ATAD2B: variants seen among roughly 807,000 people sequenced by gnomAD.
ATAD2B encodes the protein ATPase family AAA domain containing 2B, also known as ATPase family AAA domain-containing protein 2B.
In ATAD2B, 40 loss-of-function variants were observed where a neutral mutation model predicts 167.6. The observed-to-expected ratio is 0.24, with a 90% CI of 0.19 to 0.31. The LOEUF (loss-of-function observed/expected upper bound fraction) is 0.31. ATAD2B is among the 10% of genes least tolerant of loss of function. ATAD2B has a pLI of 1.00. For synonymous variants in ATAD2B, 579 were observed against 596.5 expected (o/e 0.97, Z 0.43); for missense variants, 1,242 against 1,757.2 (o/e 0.71, Z 5.24).
chr2:23,814,345 TAG>T (rs1338864585), intron 17 of ATAD2B, among the ~76,000 whole-genome samples: 1 of 152,212 alleles, frequency 6.6e-6, no homozygotes, highest in African/African-American at 2.4e-5. Flanking sequence ...AGTGTTATCA[TAG>T]AGCTCATAAC....
At chr2:23,719,438 G>T in the ATAD2B span, among the ~76,000 whole-genome samples, 3 of 152,154 alleles carry the variant, frequency 2.0e-5, no homozygotes, top group Non-Finnish European at 1.5e-5. Flanking sequence ...TGGCAGCGTA[G>T]AAGCAAGCTT....
In ATAD2B at chr2:23,798,248, T is replaced by C; in HGVS notation, c.2530A>G (p.Ser844Gly). 6.2e-7 allele frequency: 1 copy of C among 1,612,708 alleles called. No individual in the cohort carries two copies. Among genetic ancestry groups the C allele is most frequent in the South Asian group, 1.1e-5 (1 of 90,978 alleles). ...AGAAAAGTTGCTCTCACAGTTTCACTGACAGCTTCCCACCAATCCCCAATG... is the reference window on the plus strand; with the variant it reads ...AGAAAAGTTGCTCTCACAGTTTCACCGACAGCTTCCCACCAATCCCCAATG... ...PHIGDWWEAVSETVRATFLTL... is the reference protein window; with the variant it reads ...PHIGDWWEAVGETVRATFLTL... The change falls in exon 19 of 28, where the codon AGT (serine) becomes GGT (glycine). Residue 844 changes from serine to glycine, a missense_variant. By Grantham distance (56) the Ser-to-Gly change is moderately conservative. This residue lies in a region of ATAD2B where 34 missense variants were observed against 101.1 expected (regional missense o/e 0.34). Transcript: ENST00000238789.
chr2:23,909,097 A>G (rs1701887695), intron 1 of ATAD2B, among the ~76,000 whole-genome samples: 1 of 151,266 alleles, frequency 6.6e-6, no homozygotes, highest in Admixed American at 6.6e-5. Context: ...TAACCTGCAC[A>G]TTGTGCACAT....
intron 6 of ATAD2B, chr2:23,883,779 A>G: frequency 3.2e-6 from 1 of 314,524 alleles, no homozygotes; most frequent in Non-Finnish European, 6.2e-6. Context: ...GGGAACTAGT[A>G]AGATTCCCCT....
chr2:23,734,586 C>T, the ATAD2B span, among the ~76,000 whole-genome samples: 3 of 152,126 alleles, frequency 2.0e-5, no homozygotes, highest in Non-Finnish European at 4.4e-5. Flanking sequence ...GAAGTAGGCA[C>T]GTCTTACATG....
At chr2:23,803,912 G>C (rs1683916309) in intron 18 of ATAD2B, among the ~76,000 whole-genome samples, 2 of 152,256 alleles carry the variant, frequency 1.3e-5, no homozygotes, top group African/African-American at 2.4e-5. Flanking sequence ...GCATTTTAGA[G>C]CCTGGGGAAA....
rs561266100 is a variant in ATAD2B, at chr2:23,917,292, A to G, written c.216+9263T>C. Among the ~76,000 whole-genome samples, 16 of 152,370 alleles carry G rather than the reference A, an allele frequency of 1.1e-4. 1 individual carries two copies. In the South Asian group the frequency reaches 3.3e-3, roughly 32 times the overall value. ...GAGAACATACTTTCTGGGTATTTTAAGCACCACTCCTTTCAGGATTCCAAT... is the reference window on the plus strand; with the variant it reads ...GAGAACATACTTTCTGGGTATTTTAGGCACCACTCCTTTCAGGATTCCAAT... On this transcript the variant is annotated intron_variant, in intron 1 of 27. Transcript: ENST00000238789.
At chr2:23,709,472 C>T in the ATAD2B span, among the ~76,000 whole-genome samples, 1 of 152,198 alleles carries the variant, frequency 6.6e-6, no homozygotes, top group Non-Finnish European at 1.5e-5. Context: ...TGCCAGGCTC[C>T]CTGGGGAGAA....
intron 10 of ATAD2B, 44 bp downstream of exon 10, chr2:23,867,789 CTT>C: frequency 7.1e-7 from 1 of 1,409,974 alleles, no homozygotes. Flanking sequence ...AAGAAAAAAA[CTT>C]TTAAAAAAAA....
chr2:23,700,570 C>T, the ATAD2B span, among the ~76,000 whole-genome samples: 10 of 152,180 alleles, frequency 6.6e-5, no homozygotes, highest in Admixed American at 2.0e-4. The surrounding 1 kb of genome is among the most constrained non-coding windows in gnomAD (Gnocchi z 4.6). Context: ...AACCAGCAAA[C>T]GCTACAAACC....
At position 23,891,603 on chromosome 2, in the gene ATAD2B, C is replaced by A. The variant is rs539564026; in HGVS notation, c.369-3204G>T. 1.6e-4 allele frequency among the ~76,000 whole-genome samples: 25 copies of A among 152,030 alleles called. No individual in the cohort carries two copies. The East Asian group carries it at 4.5e-3, about 27-fold the overall frequency. On this transcript the variant is annotated intron_variant, in intron 2 of 27. Transcript: ENST00000238789. ...CTCCGCCTCCTGGATTCAAGCAATT[C>A]TCATGCCTCAGCCTCCCAAGCAGTA...
intron 13 of ATAD2B, among the ~76,000 whole-genome samples, chr2:23,835,891 G>C (rs1689860195): frequency 6.6e-6 from 1 of 151,060 alleles, no homozygotes; most frequent in Non-Finnish European, 1.5e-5. Context: ...AGCTGAAGTC[G>C]CACCATTGTA....
chr2:23,845,570 ATTTTTTTTTT>A (rs71402518), intron 13 of ATAD2B, among the ~76,000 whole-genome samples: 1 of 87,646 alleles, frequency 1.1e-5, no homozygotes, highest in Non-Finnish European at 2.1e-5. Flanking sequence ...GCATGCTGGA[ATTTTTTTTTT>A]TTTTTTTTTT....
In ATAD2B at chr2:23,873,582, T is replaced by A. The variant is rs181696758; in HGVS notation, c.977+2247A>T. On this transcript the variant is annotated intron_variant, in intron 8 of 27. Coordinates refer to ENST00000238789, the MANE Select transcript of ATAD2B (RefSeq NM_017552.4). ...TCATCTCTAAATTAATTATAATACC[T>A]AATACAACACATGCTATATAAATAG... is the stretch of plus-strand genomic sequence containing the variant. Among the ~76,000 whole-genome samples the A allele has an allele frequency of 2.0e-5, 3 of 152,338 alleles. No homozygotes were observed. The East Asian group carries it at 5.8e-4, about 29-fold the overall frequency.
At chr2:23,681,105 C>T in the ATAD2B span, among the ~76,000 whole-genome samples, 4 of 152,230 alleles carry the variant, frequency 2.6e-5, no homozygotes, top group Admixed American at 1.3e-4. This position sits in a 1 kb window ranked among gnomAD's most constrained non-coding sequence, Gnocchi z 4.2. Context: ...TGGGTCTCCC[C>T]ACCGACAGGC....
chr2:23,905,206 A>G (rs908486843), intron 1 of ATAD2B, among the ~76,000 whole-genome samples: 6 of 152,222 alleles, frequency 3.9e-5, no homozygotes, highest in African/African-American at 1.2e-4. Context: ...AATAAGAAAG[A>G]GACAATGTAG....
chr2:23,859,430 A>C (rs1693980859), intron 12 of ATAD2B, among the ~76,000 whole-genome samples: 1 of 152,058 alleles, frequency 6.6e-6, no homozygotes, highest in Non-Finnish European at 1.5e-5. Context: ...CGCCTCAGCC[A>C]CCTAAGTAGC....
At chr2:23,682,744 G>A in the ATAD2B span, among the ~76,000 whole-genome samples, 1 of 151,928 alleles carries the variant, frequency 6.6e-6, no homozygotes, top group Admixed American at 6.6e-5. This position sits in a 1 kb window ranked among gnomAD's most constrained non-coding sequence, Gnocchi z 4.1. Context: ...TCTGTCTGTA[G>A]CTCCCACCCC....
intron 17 of ATAD2B, among the ~76,000 whole-genome samples, chr2:23,817,484 A>T (rs1038568833): frequency 2.6e-5 from 4 of 152,174 alleles, no homozygotes; most frequent in Non-Finnish European, 5.9e-5. Context: ...AAATATCACT[A>T]CTTCTCCTGT....
Sources: gnomAD v4.1 joint callset for allele counts (sites outside exome capture counted in the v4.1 genomes callset) on GRCh38, gnomAD v4.1.1 for gene constraint, gnomAD v4.1.1 regional missense constraint, Gnocchi (gnomAD v3.1) non-coding constraint, MANE v1.5 for transcripts, NCBI Gene and HGNC (gene_info 2026-07-23, HGNC 2026-07-21) for gene names.